Variants in RCAN1 observed in about 807,000 individuals in gnomAD.
The protein encoded by RCAN1 is calcipressin-1.
Under a neutral mutation model 22.9 loss-of-function variants are expected in RCAN1, and 11 were observed. The ratio of observed to expected loss-of-function variants is 0.48; its 90% CI spans 0.30 to 0.79. RCAN1 has a LOEUF of 0.79. RCAN1 is among the 30% of genes least tolerant of loss of function. RCAN1 has a pLI of 0.06. For missense variants in RCAN1, 291 were observed against 337.8 expected (o/e 0.86, Z 1.09); for synonymous variants, 136 against 142.3 (o/e 0.96, Z 0.32).
intron 1 of RCAN1, among the ~76,000 whole-genome samples, chr21:34,532,211 C>T (rs1014476859): frequency 6.6e-6 from 1 of 151,984 alleles, no homozygotes; most frequent in Non-Finnish European, 1.5e-5. Context: ...AGATGAAGAA[C>T]CCAATCAGAT....
chr21:34,567,518 G>A (rs1244315486), intron 1 of RCAN1, among the ~76,000 whole-genome samples: 1 of 146,538 alleles, frequency 6.8e-6, no homozygotes, highest in African/African-American at 2.6e-5. Context: ...TCAAGCCACT[G>A]CACCCCAGCC....
chr21:34,519,145 G>A (rs1038661848), intron 3 of RCAN1, among the ~76,000 whole-genome samples: 1 of 152,172 alleles, frequency 6.6e-6, no homozygotes, highest in Non-Finnish European at 1.5e-5. Context: ...GGAGCTAACA[G>A]CATGAGTGAG....
At chr21:34,537,333 C>T (rs1234500350) in intron 1 of RCAN1, among the ~76,000 whole-genome samples, 1 of 152,220 alleles carries the variant, frequency 6.6e-6, no homozygotes, top group African/African-American at 2.4e-5. Flanking sequence ...TCCATCAGGC[C>T]TAGAATGGCC....
At chr21:34,562,101 A>T (rs1043456340) in intron 1 of RCAN1, among the ~76,000 whole-genome samples, 6 of 152,222 alleles carry the variant, frequency 3.9e-5, no homozygotes, top group Non-Finnish European at 7.3e-5. Flanking sequence ...CTGAACAAGC[A>T]CTTCAAGAAA....
intron 1 of RCAN1, among the ~76,000 whole-genome samples, chr21:34,555,845 G>A (rs774492101): frequency 1.3e-5 from 2 of 151,060 alleles, no homozygotes; most frequent in South Asian, 4.2e-4. Flanking sequence ...GGTGGATCAC[G>A]AGGTCCAGGA....
rs759518300 is a variant in RCAN1 at position 34,518,044 on chromosome 21, C to T, written c.*40G>A. 2.5e-6 allele frequency: 4 copies of T among 1,607,852 alleles called. No homozygotes were observed. The highest frequency in any genetic ancestry group is 3.4e-6 in the Non-Finnish European group (4 of 1,176,372). On this transcript the variant is annotated 3_prime_UTR_variant, in exon 4 of 4. Coordinates refer to ENST00000313806, the MANE Select transcript of RCAN1 (RefSeq NM_004414.7). The surrounding 1 kb of genome is among the most constrained non-coding windows in gnomAD (Gnocchi z 4.2). ...CACCTCCACAGTAAAAGATTCCTCC[C>T]GTGAGTATGATTTGGAATGCGTCCT...
intron 1 of RCAN1, among the ~76,000 whole-genome samples, chr21:34,594,386 T>C (rs1988078526): frequency 6.6e-6 from 1 of 152,142 alleles, no homozygotes; most frequent in African/African-American, 2.4e-5. Flanking sequence ...ACCCCACCTC[T>C]ACTAAAAATA....
chr21:34,576,041 T>C (rs76417053), intron 1 of RCAN1, among the ~76,000 whole-genome samples: 2 of 152,150 alleles, frequency 1.3e-5, no homozygotes, highest in African/African-American at 2.4e-5. Context: ...AAAACTGCTG[T>C]GCCCTATAAT....
chr21:34,524,781 G>A, intron 1 of RCAN1: 1 of 298,628 alleles, frequency 3.3e-6, no homozygotes, highest in African/African-American at 2.1e-5. Context: ...AGCTCGAGGT[G>A]GGGGATTACA....
chr21:34,535,400 C>T (rs1237689999), intron 1 of RCAN1, among the ~76,000 whole-genome samples: 1 of 126,454 alleles, frequency 7.9e-6, no homozygotes, highest in Non-Finnish European at 1.6e-5. Context: ...AAACACATAA[C>T]CTTTTTTTTT....
Position 34,614,877 on chromosome 21 carries a change from G to T in RCAN1, c.135C>A (p.Gly45=), listed in dbSNP as rs374942883. The part of the protein sequence containing the change: ...PLSGAAEADE[G]GGDWSFIDCE... ...AGTCAATGAAGCTCCAGTCGCCGCC[G>T]CCCTCGTCCGCCTCGGCCGCCCCCG... The change falls in exon 1 of 4, where the codon GGC becomes GGA. Residue 45 remains glycine, a synonymous_variant. Coordinates refer to ENST00000313806, the MANE Select transcript of RCAN1 (RefSeq NM_004414.7). This position sits in a 1 kb window ranked among gnomAD's most constrained non-coding sequence, Gnocchi z 6.0. 3.3e-5 allele frequency: 48 copies of T among 1,453,674 alleles called. No individual in the cohort carries two copies. The African/African-American group carries it at 5.8e-4, about 18-fold the overall frequency. The allele number at this position is 1,453,674 out of a possible 1,614,324, so 90.0% of individuals were successfully genotyped here. A position where few individuals can be genotyped will look rare whatever the true frequency, so the allele number is the denominator to read the frequency against.
At chr21:34,596,572 G>A (rs560166865) in intron 1 of RCAN1, among the ~76,000 whole-genome samples, 61 of 152,286 alleles carry the variant, frequency 4.0e-4, no homozygotes, top group African/African-American at 1.4e-3. Flanking sequence ...CGGCAGGCTG[G>A]GTTCTCGTAA....
chr21:34,524,211 G>A (rs1984830010), intron 1 of RCAN1: 1 of 152,956 alleles, frequency 6.5e-6, no homozygotes, highest in African/African-American at 2.4e-5. Flanking sequence ...TTTACAAGAA[G>A]GTAAGAAGGT....
In RCAN1 at chr21:34,544,973, T is replaced by A. The variant is rs1043214358; in HGVS notation, c.253-21263A>T. 2.4e-4 allele frequency among the ~76,000 whole-genome samples: 36 copies of A among 152,318 alleles called. 1 individual carries two copies. Among genetic ancestry groups the A allele is most frequent in the African/African-American group, 8.2e-4 (34 of 41,574 alleles). On this transcript the variant is annotated intron_variant, in intron 1 of 3. Transcript: ENST00000313806. ...AGGGAGTGGTTGAAAGATGGAGCCCTCTGATTTCTGACTTCACTTCTGCAA... is the reference window on the plus strand; with the variant it reads ...AGGGAGTGGTTGAAAGATGGAGCCCACTGATTTCTGACTTCACTTCTGCAA...
intron 1 of RCAN1, among the ~76,000 whole-genome samples, chr21:34,613,264 T>C (rs1988729732): frequency 6.6e-6 from 1 of 152,232 alleles, no homozygotes. Flanking sequence ...CCAAGTCTTA[T>C]TTTTTCCTAT....
chr21:34,545,336 T>A (rs1269328840), intron 1 of RCAN1, among the ~76,000 whole-genome samples: 1 of 152,104 alleles, frequency 6.6e-6, no homozygotes, highest in Non-Finnish European at 1.5e-5. Context: ...AGTGTGACAG[T>A]TTCTAACAAA....
At chr21:34,547,986 C>G (rs1201360954) in intron 1 of RCAN1, among the ~76,000 whole-genome samples, 1 of 152,068 alleles carries the variant, frequency 6.6e-6, no homozygotes, top group African/African-American at 2.4e-5. Flanking sequence ...GAGTAGAGTC[C>G]TTTTTGCAAG....
At chr21:34,580,952 G>C (rs925854448) in intron 1 of RCAN1, among the ~76,000 whole-genome samples, 1 of 152,174 alleles carries the variant, frequency 6.6e-6, no homozygotes, top group African/African-American at 2.4e-5. Flanking sequence ...TATGGAAAAG[G>C]AGGGGTGAGA....
Position 34,593,696 on chromosome 21 carries a change from G to C in RCAN1, c.252+21064C>G, listed in dbSNP as rs75262672. 5.5e-3 allele frequency among the ~76,000 whole-genome samples: 831 copies of C among 152,326 alleles called. 10 individuals are homozygous for C. Among genetic ancestry groups the C allele is most frequent in the African/African-American group, 0.019 (797 of 41,570 alleles). Reference sequence around the variant, plus strand: ...TCAAGGTGTTGGGAGGTCGGGCTGAGGCTGTGGCTGCTGGGCCAGCTGATG... The same window carrying C: ...TCAAGGTGTTGGGAGGTCGGGCTGACGCTGTGGCTGCTGGGCCAGCTGATG... On this transcript the variant is annotated intron_variant, in intron 1 of 3. Transcript: ENST00000313806.
Sources: allele counts gnomAD v4.1 joint callset (sites outside exome capture counted in the v4.1 genomes callset), GRCh38; gene constraint gnomAD v4.1.1; non-coding constraint Gnocchi (gnomAD v3.1); transcripts MANE v1.5; gene names NCBI Gene and HGNC (gene_info 2026-07-23, HGNC 2026-07-21).